Variants in RNF220 observed in about 807,000 individuals in gnomAD.
RNF220 encodes ring finger protein 220.
RNF220 carries 7 observed loss-of-function variants against 67.1 expected under a neutral mutation model. That is an observed-to-expected ratio of 0.10 (90% CI 0.06 to 0.20). The LOEUF (loss-of-function observed/expected upper bound fraction) is 0.20, where lower values mean the gene tolerates loss of function less well. Among genes scored for constraint, RNF220 ranks in the 10% least tolerant of loss-of-function variants. RNF220 has a pLI of 1.00. For missense variants in RNF220, 565 were observed against 740.3 expected (o/e 0.76, Z 2.75); for synonymous variants, 270 against 283.2 (o/e 0.95, Z 0.47).
In RNF220 at chr1:44,649,491, T is replaced by C; in HGVS notation, c.1446-170T>C. 1.6e-6 allele frequency: 1 copy of C among 628,854 alleles called. No individual in the cohort carries two copies. Among genetic ancestry groups the C allele is most frequent in the South Asian group, 1.9e-5 (1 of 53,226 alleles). 39.0% of individuals were successfully genotyped at this position (628,854 alleles called of 1,614,324 possible). ...ATGGAGGAATAGAGAGGGTGAGGAGTTTAGTTCTGGAATGTGGAATTTGCA... is the reference window on the plus strand; with the variant it reads ...ATGGAGGAATAGAGAGGGTGAGGAGCTTAGTTCTGGAATGTGGAATTTGCA... On this transcript the variant is annotated intron_variant, in intron 12 of 14. Transcript: ENST00000361799. The surrounding 1 kb of genome is among the most constrained non-coding windows in gnomAD (Gnocchi z 5.9).
chr1:44,635,658 C>A (rs746942310), intron 7 of RNF220, 70 bp downstream of exon 7: 3 of 1,613,450 alleles, frequency 1.9e-6, no homozygotes, highest in Non-Finnish European at 2.5e-6. Flanking sequence ...GGAGCATTGC[C>A]TTTCTAAGGT....
intron 2 of RNF220, among the ~76,000 whole-genome samples, chr1:44,609,058 A>G (rs1247263560): frequency 1.3e-5 from 2 of 152,198 alleles, no homozygotes; most frequent in Non-Finnish European, 2.9e-5. Context: ...TGATTTGCCC[A>G]AGGTCACACA....
chr1:44,411,730 G>T (rs556843534), intron 1 of RNF220, among the ~76,000 whole-genome samples: 1 of 152,234 alleles, frequency 6.6e-6, no homozygotes, highest in African/African-American at 2.4e-5. Flanking sequence ...TCTTTGCTGG[G>T]CTCAGGCGCA....
chr1:44,574,213 C>T (rs1244013486), intron 2 of RNF220, among the ~76,000 whole-genome samples: 1 of 152,066 alleles, frequency 6.6e-6, no homozygotes, highest in Non-Finnish European at 1.5e-5. Context: ...CTCACATTTC[C>T]CCAGCTGGGC....
intron 2 of RNF220, among the ~76,000 whole-genome samples, chr1:44,578,894 G>T (rs1256195408): frequency 6.6e-6 from 1 of 152,122 alleles, no homozygotes; most frequent in Non-Finnish European, 1.5e-5. Context: ...GGCCGGGTGC[G>T]GTGGCTCACG....
Position 44,412,072 on chromosome 1 carries a change from A to C in RNF220, c.-26A>C. 1 of 1,587,626 alleles carries C rather than the reference A, an allele frequency of 6.3e-7. No individual in the cohort carries two copies. The highest frequency in any genetic ancestry group is 1.3e-5 in the African/African-American group (1 of 74,266). ...TCCCAGGGAAGACTGCTTCTTGCGT[A>C]ACGCCGGCCACAGAAAGAGACTCCG... is the stretch of plus-strand genomic sequence containing the variant. On this transcript the variant is annotated 5_prime_UTR_variant, in exon 2 of 15. It removes the in-frame stop codon of an upstream open reading frame in the 5' UTR. Coordinates refer to ENST00000361799, the MANE Select transcript of RNF220 (RefSeq NM_018150.4). The surrounding 1 kb of genome is among the most constrained non-coding windows in gnomAD (Gnocchi z 5.3).
At chr1:44,490,846 T>C (rs1656791758) in intron 2 of RNF220, among the ~76,000 whole-genome samples, 1 of 151,770 alleles carries the variant, frequency 6.6e-6, no homozygotes, top group African/African-American at 2.4e-5. Context: ...TTAGCTAGAA[T>C]GAATAAGAAC....
In RNF220 at chr1:44,620,888, C is replaced by A. The variant is rs546298911; in HGVS notation, c.759-1854C>A. Among the ~76,000 whole-genome samples the A allele has an allele frequency of 1.0e-4, 15 of 148,980 alleles. No homozygotes were observed. The South Asian group carries it at 2.8e-3, about 28-fold the overall frequency. On this transcript the variant is annotated intron_variant, in intron 3 of 14. Coordinates refer to ENST00000361799, the MANE Select transcript of RNF220 (RefSeq NM_018150.4). ...ACTTGTGCACATGAGCAGCTCTCAT[C>A]TAATCTGTGTGGCTGTTGTGAATCT... is the stretch of plus-strand genomic sequence containing the variant.
In RNF220 at chr1:44,405,326, G is replaced by C. The variant is rs1647234180; in HGVS notation, c.-322G>C. 1.8e-6 allele frequency: 1 copy of C among 553,450 alleles called. No individual in the cohort carries two copies. The highest frequency in any genetic ancestry group is 2.1e-5 in the South Asian group (1 of 46,718). The allele number at this position is 553,450 out of a possible 1,614,324, so 34.3% of individuals were successfully genotyped here. A position where few individuals can be genotyped will look rare whatever the true frequency, so the allele number is the denominator to read the frequency against. On this transcript the variant is annotated 5_prime_UTR_variant, in exon 1 of 15. Transcript: ENST00000361799. ...TCACGCCAACTGAGTCTCTTGATCT[G>C]TACATGCAATCCCAGGCAGCTCGCG...
intron 2 of RNF220, among the ~76,000 whole-genome samples, chr1:44,613,263 C>T (rs1643393357): frequency 6.7e-6 from 1 of 149,034 alleles, no homozygotes; most frequent in South Asian, 2.2e-4. Flanking sequence ...TAAGCAGAGG[C>T]CACAGAGCAT....
rs373953040 is a variant in RNF220, at chr1:44,484,035, G to T, written c.625+71313G>T. The stretch of plus-strand genomic sequence containing the variant: ...TGGGAATAACTGTTTCCCAGCCTTG[G>T]GCTGGTTCTCCTTCCTTCCTTGTTC... On this transcript the variant is annotated intron_variant, in intron 2 of 14. Coordinates refer to ENST00000361799, the MANE Select transcript of RNF220 (RefSeq NM_018150.4). Among the ~76,000 whole-genome samples the T allele has an allele frequency of 6.2e-4, 94 of 152,250 alleles. 1 individual carries two copies. The South Asian group carries it at 0.019, about 31-fold the overall frequency.
At chr1:44,551,272 G>C (rs942701303) in intron 2 of RNF220, among the ~76,000 whole-genome samples, 1 of 151,880 alleles carries the variant, frequency 6.6e-6, no homozygotes, top group South Asian at 2.1e-4. Flanking sequence ...GGGCCACCAC[G>C]CCTGGCTAAT....
intron 2 of RNF220, among the ~76,000 whole-genome samples, chr1:44,581,232 A>C (rs1358045579): frequency 2.0e-5 from 3 of 152,260 alleles, no homozygotes; most frequent in African/African-American, 7.2e-5. Context: ...CCCATGGCAC[A>C]TTGTCCTTGT....
chr1:44,456,370 G>A (rs1653181424), intron 2 of RNF220, among the ~76,000 whole-genome samples: 1 of 152,188 alleles, frequency 6.6e-6, no homozygotes, highest in South Asian at 2.1e-4. Context: ...TTAACTATGA[G>A]TTTAGTCCTT....
intron 2 of RNF220, among the ~76,000 whole-genome samples, chr1:44,559,051 G>A (rs1268424255): frequency 6.6e-6 from 1 of 152,218 alleles, no homozygotes; most frequent in African/African-American, 2.4e-5. Flanking sequence ...GTTTTGTTCA[G>A]TGTTTTGTCC....
chr1:44,625,026 TGAGAGAGAGAGAGAGA>T (rs71665956), intron 4 of RNF220, among the ~76,000 whole-genome samples: 14 of 147,476 alleles, frequency 9.5e-5, no homozygotes, highest in Non-Finnish European at 1.2e-4. Flanking sequence ...CTAGAGAGAA[TGAGAGAGAGAGAGAGA>T]GAGAGAGAGA....
intron 2 of RNF220, among the ~76,000 whole-genome samples, chr1:44,421,222 C>G (rs762448966): frequency 1.3e-5 from 2 of 151,950 alleles, no homozygotes; most frequent in African/African-American, 2.4e-5. Flanking sequence ...GGCAGTGGCC[C>G]GGGTTAAAAA....
chr1:44,519,201 G>A (rs144607705), intron 2 of RNF220, among the ~76,000 whole-genome samples: 4 of 152,298 alleles, frequency 2.6e-5, no homozygotes, highest in African/African-American at 9.6e-5. Context: ...AGCGTGTTGT[G>A]TTTTGAGAAC....
At chr1:44,410,730 T>C (rs536437882) in intron 1 of RNF220, 112 of 152,350 alleles carry the variant, frequency 7.4e-4, no homozygotes, top group African/African-American at 2.5e-3. Context: ...ATTTCTGATA[T>C]GACTCTCAAT....
Sources: allele counts gnomAD v4.1 joint callset (sites outside exome capture counted in the v4.1 genomes callset), GRCh38; gene constraint gnomAD v4.1.1; non-coding constraint Gnocchi (gnomAD v3.1); transcripts MANE v1.5; gene names NCBI Gene and HGNC (gene_info 2026-07-23, HGNC 2026-07-21).